CLEC2L: variants seen among roughly 807,000 people sequenced by gnomAD.
CLEC2L encodes the protein C-type lectin domain family 2 member L, also known as C-type lectin domain family 2, member L.
In CLEC2L, 14 loss-of-function variants were observed where a neutral mutation model predicts 23.6. That is an observed-to-expected ratio of 0.59 (90% CI 0.39 to 0.93). The LOEUF (loss-of-function observed/expected upper bound fraction) is 0.93. CLEC2L is among the 40% of genes least tolerant of loss of function. The pLI is 0.00. For synonymous variants in CLEC2L, 114 were observed against 121.3 expected (o/e 0.94, Z 0.40); for missense variants, 264 against 282.4 (o/e 0.93, Z 0.47).
chr7:139,527,922 T>G lies in CLEC2L; in HGVS notation c.190+3805T>G, dbSNP rs1797528067. 2.0e-5 allele frequency among the ~76,000 whole-genome samples: 3 copies of G among 152,338 alleles called. No homozygotes were observed. In the South Asian group the frequency reaches 6.2e-4, roughly 32 times the overall value. ...TATGCTTGCCAGGCTGTGTCCCCGA[T>G]GACTTAGAGACAGCAGCATGGGCCT... On this transcript the variant is annotated intron_variant, in intron 1 of 4. Transcript: ENST00000422142.
chr7:139,538,162 G>A (rs1797685519), intron 2 of CLEC2L, among the ~76,000 whole-genome samples: 1 of 152,236 alleles, frequency 6.6e-6, no homozygotes, highest in Non-Finnish European at 1.5e-5. Context: ...GCCGGGTGCA[G>A]TGGCTCAAGC....
At chr7:139,544,151 C>T in intron 4 of CLEC2L, 80 bp from the exon 5 acceptor site, 4 of 974,902 alleles carry the variant, frequency 4.1e-6, no homozygotes, top group Non-Finnish European at 6.4e-6. Context: ...GGTCACAGGG[C>T]CTCCATGGCC....
intron 3 of CLEC2L, among the ~76,000 whole-genome samples, chr7:139,541,769 G>C (rs1408819911): frequency 6.6e-6 from 1 of 152,208 alleles, no homozygotes; most frequent in Non-Finnish European, 1.5e-5. Context: ...ACACAGCCAG[G>C]GTCCCTTTCA....
chr7:139,527,552 T>C (rs182712113), intron 1 of CLEC2L, among the ~76,000 whole-genome samples: 32 of 152,352 alleles, frequency 2.1e-4, no homozygotes, highest in Middle Eastern at 3.4e-3. Context: ...GCTGTAGATA[T>C]GAACCTTTCC....
chr7:139,530,975 A>G (rs1423481488), intron 1 of CLEC2L, among the ~76,000 whole-genome samples: 5 of 152,162 alleles, frequency 3.3e-5, no homozygotes, highest in Admixed American at 2.6e-4. Flanking sequence ...AGCCTCCTCC[A>G]TGGACTCTCA....
chr7:139,524,017 G>A lies in CLEC2L; in HGVS notation c.90G>A (p.Pro30=), dbSNP rs1198376358. ...RPAPAPAAPR[P]RSPAEAEARG... ...CGCCCGCCCCCGCCGCCCCCAGGCC[G>A]CGTTCGCCCGCAGAGGCTGAGGCCC... Residue 30 remains proline, a synonymous_variant, in exon 1 of 5, where the codon CCG becomes CCA. Transcript: ENST00000422142. 8 of 1,146,376 alleles carry A rather than the reference G, an allele frequency of 7.0e-6. No individual in the cohort carries two copies. Among genetic ancestry groups the A allele is most frequent in the African/African-American group, 1.6e-5 (1 of 61,286 alleles). 71.0% of individuals were successfully genotyped at this position (1,146,376 alleles called of 1,614,324 possible). A position where few individuals can be genotyped will look rare whatever the true frequency, so the allele number is the denominator to read the frequency against.
chr7:139,525,319 G>A (rs879557590), intron 1 of CLEC2L, among the ~76,000 whole-genome samples: 4 of 152,180 alleles, frequency 2.6e-5, no homozygotes, highest in Non-Finnish European at 4.4e-5. Flanking sequence ...GCAGGTCATG[G>A]GGCTGCTGAG....
intron 1 of CLEC2L, among the ~76,000 whole-genome samples, chr7:139,529,134 C>T (rs1000346718): frequency 6.6e-6 from 1 of 151,668 alleles, no homozygotes; most frequent in Non-Finnish European, 1.5e-5. Context: ...AAGCACAGTC[C>T]TTACCCCAAA....
intron 1 of CLEC2L, among the ~76,000 whole-genome samples, chr7:139,534,950 G>A (rs1797631521): frequency 1.4e-5 from 2 of 146,376 alleles, no homozygotes; most frequent in Admixed American, 6.7e-5. Context: ...AAATAAATAA[G>A]TGTTCTTTAG....
intron 4 of CLEC2L, among the ~76,000 whole-genome samples, chr7:139,543,388 C>T (rs1032722001): frequency 2.6e-5 from 4 of 152,178 alleles, no homozygotes; most frequent in African/African-American, 4.8e-5. Flanking sequence ...GGGTCCGTGG[C>T]GTGCTGACCA....
At position 139,534,466 on chromosome 7, in the gene CLEC2L, C is replaced by G. The variant is rs947384588; in HGVS notation, c.191-1808C>G. ...AGCTGCCTGGTTTACCGAGCTGATA[C>G]CCAGACATACCAGCCTTATAAAAAA... On this transcript the variant is annotated intron_variant, in intron 1 of 4. Transcript: ENST00000422142. 6.2e-5 allele frequency: 49 copies of G among 789,844 alleles called. No homozygotes were observed. In the African/African-American group the frequency reaches 7.4e-4, roughly 12 times the overall value. The allele number at this position is 789,844 out of a possible 1,614,324, so 48.9% of individuals were successfully genotyped here.
At chr7:139,533,657 T>A (rs1172097013) in intron 1 of CLEC2L, among the ~76,000 whole-genome samples, 5 of 152,226 alleles carry the variant, frequency 3.3e-5, no homozygotes, top group Non-Finnish European at 5.9e-5. Context: ...CGCTCTGCAC[T>A]ATTATTTTTT....
At chr7:139,534,263 T>C in intron 1 of CLEC2L, 2 of 1,377,742 alleles carry the variant, frequency 1.5e-6, no homozygotes, top group East Asian at 2.3e-5. Context: ...ATTTTGCTGA[T>C]ACAGACTACC....
intron 1 of CLEC2L, among the ~76,000 whole-genome samples, chr7:139,533,496 C>T (rs1411539749): frequency 6.6e-6 from 1 of 152,182 alleles, no homozygotes; most frequent in African/African-American, 2.4e-5. Context: ...GCTGGGATTA[C>T]AGGCACACAC....
intron 1 of CLEC2L, among the ~76,000 whole-genome samples, chr7:139,530,235 G>A (rs58025717): frequency 0.03 from 4,534 of 151,966 alleles, 228 homozygotes; most frequent in African/African-American, 0.1. Context: ...TTTTTAAAAG[G>A]CCATAAGGAC....
chr7:139,529,059 G>T (rs1410438913), intron 1 of CLEC2L, among the ~76,000 whole-genome samples: 1 of 152,168 alleles, frequency 6.6e-6, no homozygotes, highest in East Asian at 1.9e-4. Context: ...TCTGTAACAT[G>T]CAGGGCAATG....
chr7:139,527,721 C>T (rs940415333), intron 1 of CLEC2L, among the ~76,000 whole-genome samples: 10 of 152,112 alleles, frequency 6.6e-5, no homozygotes, highest in South Asian at 2.1e-4. Context: ...AGTGAGCCTG[C>T]GTGCCTCAGC....
Position 139,530,336 on chromosome 7 carries a change from A to C in CLEC2L, c.191-5938A>C, listed in dbSNP as rs10253060. Among the ~76,000 whole-genome samples the C allele has an allele frequency of 2.0e-3, 309 of 152,358 alleles. 4 individuals are homozygous for C. The highest frequency in any genetic ancestry group is 7.0e-3 in the African/African-American group (293 of 41,586). On this transcript the variant is annotated intron_variant, in intron 1 of 4. Coordinates refer to ENST00000422142, the MANE Select transcript of CLEC2L (RefSeq NM_001080511.4). ...CTTCACCCCATCTGAGAAAGTCCAG[A>C]GAGCAGAGGAGTTACCTGAGCCTCA...
chr7:139,530,541 G>T (rs2116548368), intron 1 of CLEC2L, among the ~76,000 whole-genome samples: 1 of 152,176 alleles, frequency 6.6e-6, no homozygotes, highest in South Asian at 2.1e-4. Context: ...AGCTGGGCAT[G>T]GTGGCTCACG....
Sources: gnomAD v4.1 joint callset for allele counts (sites outside exome capture counted in the v4.1 genomes callset) on GRCh38, gnomAD v4.1.1 for gene constraint, MANE v1.5 for transcripts, NCBI Gene and HGNC (gene_info 2026-07-23, HGNC 2026-07-21) for gene names.